LARP1B: variants seen among roughly 807,000 people sequenced by gnomAD.
The protein encoded by LARP1B is La ribonucleoprotein 1B.
In LARP1B, 76 loss-of-function variants were observed where a neutral mutation model predicts 114.2. The ratio of observed to expected loss-of-function variants is 0.67; its 90% CI spans 0.55 to 0.81. The LOEUF is 0.81. Among genes scored for constraint, LARP1B ranks in the 30% least tolerant of loss-of-function variants. LARP1B has a pLI of 0.00. For missense variants in LARP1B, 1,014 were observed against 1,075.8 expected, an observed-to-expected ratio of 0.94 and a Z score of 0.80; for synonymous variants, 345 against 348.0, an observed-to-expected ratio of 0.99 and a Z score of 0.10.
chr4:128,126,152 C>T (rs927485429), intron 11 of LARP1B, among the ~76,000 whole-genome samples: 6 of 135,070 alleles, frequency 4.4e-5, no homozygotes, highest in Non-Finnish European at 7.6e-5. Context: ...GATGGAGTCT[C>T]TCTCCGTCAC....
Position 128,217,660 on chromosome 4 carries a change from A to G in LARP1B, n.849-2695A>G, listed in dbSNP as rs374845205. ...GACGTATCTCAAAATAATAAGAGCT[A>G]TCTATGACAAACCCACAGCCAATAT... On this transcript the variant is annotated intron_variant and non_coding_transcript_variant, in intron 6 of 7. Transcript: ENST00000503725. Among the ~76,000 whole-genome samples the G allele has an allele frequency of 3.8e-4, 19 of 50,006 alleles. No homozygotes were observed. In the East Asian group the frequency reaches 0.01, roughly 27 times the overall value. 32.8% of individuals were successfully genotyped at this position (50,006 alleles called of 152,430 possible).
At chr4:128,084,255 T>C (rs1772310418) in intron 5 of LARP1B, among the ~76,000 whole-genome samples, 1 of 152,058 alleles carries the variant, frequency 6.6e-6, no homozygotes, top group African/African-American at 2.4e-5. Flanking sequence ...CTCGGCACTT[T>C]GGGAGGCCAA....
At chr4:128,185,378 G>T (rs1344095786) in intron 15 of LARP1B, among the ~76,000 whole-genome samples, 14 of 152,122 alleles carry the variant, frequency 9.2e-5, no homozygotes. Context: ...TTTAACTGGG[G>T]TGAGATGCTT....
intron 11 of LARP1B, among the ~76,000 whole-genome samples, chr4:128,134,753 C>T (rs1422405325): frequency 6.6e-6 from 1 of 152,152 alleles, no homozygotes; most frequent in Non-Finnish European, 1.5e-5. Flanking sequence ...AAAAATATAA[C>T]CTGATTTTAA....
intron 10 of LARP1B, among the ~76,000 whole-genome samples, chr4:128,119,713 T>C (rs1226690379): frequency 6.6e-6 from 1 of 152,208 alleles, no homozygotes; most frequent in East Asian, 1.9e-4. Flanking sequence ...TAGGTTGCTG[T>C]TTTCTCTGCT....
intron 1 of LARP1B, among the ~76,000 whole-genome samples, chr4:128,071,248 G>A (rs1218724373): frequency 2.6e-5 from 4 of 151,680 alleles, no homozygotes; most frequent in African/African-American, 9.7e-5. Flanking sequence ...GAGTTTCACT[G>A]TGTTAGCCAG....
chr4:128,065,864 C>T (rs1490825023), intron 1 of LARP1B, among the ~76,000 whole-genome samples: 1 of 152,066 alleles, frequency 6.6e-6, no homozygotes, highest in Non-Finnish European at 1.5e-5. Context: ...CAGTCTTGCT[C>T]TATTGCAGTG....
At chr4:128,139,914 G>GGTTACATATATGGTTACAT (rs1285781943) in intron 11 of LARP1B, among the ~76,000 whole-genome samples, 3 of 151,372 alleles carry the variant, frequency 2.0e-5, no homozygotes. Flanking sequence ...CATATGCTAT[G>GGTTACATATATGGTTACAT]ATCCACCATT....
Position 128,179,965 on chromosome 4 carries a change from A to AT in LARP1B, c.2003+462dup, listed in dbSNP as rs993294524. Among the ~76,000 whole-genome samples the AT allele has an allele frequency of 4.6e-5, 7 of 151,614 alleles. No individual in the cohort carries two copies. The East Asian group carries it at 5.8e-4, about 13-fold the overall frequency. On this transcript the variant is annotated intron_variant, in intron 15 of 19. Transcript: ENST00000326639. ...TAAGATTAGCTGATTATTAGCAGGA[A>AT]TTTTTTTTTATAAGAAAGAAGAAAA... is the stretch of plus-strand genomic sequence containing the variant.
chr4:128,162,123 TGG>T, intron 11 of LARP1B, 69 bp from the exon 12 acceptor site: 1 of 1,415,938 alleles, frequency 7.1e-7, no homozygotes, highest in South Asian at 1.3e-5. Context: ...TTTTTGAGGT[TGG>T]TATCAATTAT....
At chr4:128,104,627 G>A (rs943173558) in intron 8 of LARP1B, among the ~76,000 whole-genome samples, 1 of 151,962 alleles carries the variant, frequency 6.6e-6, no homozygotes, top group Non-Finnish European at 1.5e-5. Context: ...TGTATTTTTG[G>A]TAGAGACAGG....
At position 128,082,309 on chromosome 4, in the gene LARP1B, A is replaced by T; in HGVS notation, c.358+4A>T. 1 of 1,613,202 alleles carries T rather than the reference A, an allele frequency of 6.2e-7. No homozygotes were observed. Among genetic ancestry groups the T allele is most frequent in the Non-Finnish European group, 8.5e-7 (1 of 1,179,392 alleles). On this transcript the variant is annotated splice_donor_region_variant and intron_variant, in intron 5 of 19. Coordinates refer to ENST00000326639, the MANE Select transcript of LARP1B (RefSeq NM_018078.4). ...AATAGGAGAAATGATACACGAAGTAAGTTACCATTCTAAGACAAAAATGAC... is the reference window on the plus strand; with the variant it reads ...AATAGGAGAAATGATACACGAAGTATGTTACCATTCTAAGACAAAAATGAC...
At chr4:128,134,446 T>C (rs1792609044) in intron 11 of LARP1B, among the ~76,000 whole-genome samples, 1 of 152,168 alleles carries the variant, frequency 6.6e-6, no homozygotes, top group Non-Finnish European at 1.5e-5. Flanking sequence ...TGAAGATTAA[T>C]TAACCTAGAT....
intron 6 of LARP1B, among the ~76,000 whole-genome samples, chr4:128,217,776 G>T (rs1578845939): frequency 7.7e-6 from 1 of 129,692 alleles, no homozygotes; most frequent in Non-Finnish European, 1.6e-5. Flanking sequence ...TCAACATAGT[G>T]TTGGAAGTTC....
intron 4 of LARP1B, among the ~76,000 whole-genome samples, chr4:128,079,309 G>A (rs941205820): frequency 6.6e-6 from 1 of 151,896 alleles, no homozygotes; most frequent in Non-Finnish European, 1.5e-5. Flanking sequence ...TGCCCAGGCT[G>A]GTCTTGAAAT....
At chr4:128,078,444 CAAA>C (rs970096379) in intron 4 of LARP1B, among the ~76,000 whole-genome samples, 1 of 151,698 alleles carries the variant, frequency 6.6e-6, no homozygotes, top group African/African-American at 2.4e-5. Flanking sequence ...TAAAAATACA[CAAA>C]AAAATTAGCC....
chr4:128,205,225 T>TC (rs1757247051), intron 17 of LARP1B, among the ~76,000 whole-genome samples: 1 of 152,192 alleles, frequency 6.6e-6, no homozygotes, highest in African/African-American at 2.4e-5. Context: ...AGACACACAA[T>TC]CACATACCCT....
At chr4:128,096,828 C>G (rs891556083) in intron 7 of LARP1B, among the ~76,000 whole-genome samples, 1 of 152,094 alleles carries the variant, frequency 6.6e-6, no homozygotes, top group Non-Finnish European at 1.5e-5. Context: ...TCTCGATCTC[C>G]TGACCTTGTG....
intron 19 of LARP1B, among the ~76,000 whole-genome samples, chr4:128,209,567 A>G (rs1461776988): frequency 6.6e-6 from 1 of 152,208 alleles, no homozygotes; most frequent in African/African-American, 2.4e-5. Flanking sequence ...TAGGAAGGAA[A>G]TTTAAGTTTA....
Sources: gnomAD v4.1 joint callset for allele counts (sites outside exome capture counted in the v4.1 genomes callset) on GRCh38, gnomAD v4.1.1 for gene constraint, MANE v1.5 for transcripts, NCBI Gene and HGNC (gene_info 2026-07-23, HGNC 2026-07-21) for gene names.